CNTN5: variants seen among roughly 807,000 people sequenced by gnomAD.
CNTN5 encodes contactin-5.
A neutral mutation model predicts 129.1 loss-of-function variants in CNTN5; 77 were observed. The ratio of observed to expected loss-of-function variants is 0.60; its 90% CI spans 0.50 to 0.72. CNTN5 has a LOEUF of 0.72. CNTN5 is among the 30% of genes least tolerant of loss of function. The probability of loss-of-function intolerance (pLI) is 0.00; values close to 1 mark genes in which losing one functional copy is unlikely to be tolerated. For missense variants in CNTN5, 1,478 were observed against 1,328.8 expected (o/e 1.11, Z -1.75); for synonymous variants, 509 against 465.6 (o/e 1.09, Z -1.20).
chr11:100,022,369 C>T (rs1226882748), intron 9 of CNTN5, among the ~76,000 whole-genome samples: 3 of 152,290 alleles, frequency 2.0e-5, no homozygotes, highest in African/African-American at 7.2e-5. Context: ...AATCTAGCAT[C>T]CTGCTATTTG....
In CNTN5 at chr11:99,578,303, C is replaced by T. The variant is rs556613251; in HGVS notation, c.55+22034C>T. 2.7e-3 allele frequency among the ~76,000 whole-genome samples: 408 copies of T among 151,884 alleles called. 2 individuals are homozygous for T. The highest frequency in any genetic ancestry group is 9.3e-3 in the African/African-American group (386 of 41,382). On this transcript the variant is annotated intron_variant, in intron 3 of 24. Transcript: ENST00000524871. ...ACAATAAACATACGTGTGCATGTGT[C>T]TTTATGGCAGCATGATTTATAATCC...
intron 1 of CNTN5, among the ~76,000 whole-genome samples, chr11:99,183,652 C>T (rs772102275): frequency 2.8e-4 from 42 of 152,088 alleles, no homozygotes; most frequent in African/African-American, 8.4e-4. Flanking sequence ...GCTCTATCCT[C>T]GGTTTTCTTC....
chr11:99,300,463 A>G (rs1455664717), intron 1 of CNTN5, among the ~76,000 whole-genome samples: 1 of 152,024 alleles, frequency 6.6e-6, no homozygotes, highest in Non-Finnish European at 1.5e-5. Context: ...ACCTGGAATA[A>G]ACCCATTTGA....
chr11:99,200,165 T>C (rs1371790978), intron 1 of CNTN5, among the ~76,000 whole-genome samples: 2 of 152,210 alleles, frequency 1.3e-5, no homozygotes, highest in Admixed American at 6.5e-5. Flanking sequence ...ATTTTTTCTA[T>C]AAAAGATCTC....
At chr11:99,686,604 A>T (rs1035127551) in intron 3 of CNTN5, among the ~76,000 whole-genome samples, 1 of 152,092 alleles carries the variant, frequency 6.6e-6, no homozygotes, top group Non-Finnish European at 1.5e-5. Flanking sequence ...TATCTCTCAC[A>T]TATGCTTTCA....
At chr11:99,158,646 C>A (rs1487453585) in intron 1 of CNTN5, among the ~76,000 whole-genome samples, 1 of 152,030 alleles carries the variant, frequency 6.6e-6, no homozygotes, top group Non-Finnish European at 1.5e-5. Context: ...ATGAACACAT[C>A]ATTGGGCAAT....
intron 23 of CNTN5, among the ~76,000 whole-genome samples, chr11:100,346,891 G>A (rs1216164): frequency 0.11 from 16,072 of 152,100 alleles, 1,375 homozygotes; most frequent in East Asian, 0.33. Flanking sequence ...CGATCACGGC[G>A]GAAGGTGAAA....
chr11:99,273,785 G>A (rs995037572), intron 1 of CNTN5, among the ~76,000 whole-genome samples: 8 of 138,654 alleles, frequency 5.8e-5, no homozygotes, highest in African/African-American at 2.7e-4. Context: ...ATAAAAATCT[G>A]ATTATACTTA....
At chr11:99,697,960 G>GT (rs895770647) in intron 3 of CNTN5, among the ~76,000 whole-genome samples, 73 of 151,188 alleles carry the variant, frequency 4.8e-4, no homozygotes, top group African/African-American at 1.5e-3. Flanking sequence ...CAACTAATTT[G>GT]TTTTTCCTAA....
intron 17 of CNTN5, among the ~76,000 whole-genome samples, chr11:100,269,219 A>C (rs1195824402): frequency 6.6e-6 from 1 of 152,176 alleles, no homozygotes; most frequent in Non-Finnish European, 1.5e-5. Context: ...AGTAATAGAG[A>C]TCTGGCCTTA....
rs1039053451 is a variant in CNTN5 at position 100,319,736 on chromosome 11, C to G, written c.2730+11268C>G. 6.6e-5 allele frequency among the ~76,000 whole-genome samples: 10 copies of G among 152,256 alleles called. 1 individual carries two copies. The highest frequency in any genetic ancestry group is 3.4e-3 in the Middle Eastern group (1 of 294). On this transcript the variant is annotated intron_variant, in intron 21 of 24. Transcript: ENST00000524871. ...CCAATCATTCTCACCCTGATAAACACCATTTTGCTCTCCACTTTTATGAGA... is the reference window on the plus strand; with the variant it reads ...CCAATCATTCTCACCCTGATAAACAGCATTTTGCTCTCCACTTTTATGAGA...
intron 3 of CNTN5, among the ~76,000 whole-genome samples, chr11:99,689,120 C>T (rs1453001888): frequency 1.3e-5 from 2 of 151,924 alleles, no homozygotes; most frequent in East Asian, 1.9e-4. Flanking sequence ...TGGAATATAC[C>T]CAGTAGTGGG....
chr11:99,977,324 C>T (rs964477883), intron 8 of CNTN5, among the ~76,000 whole-genome samples: 3 of 152,118 alleles, frequency 2.0e-5, no homozygotes, highest in African/African-American at 4.8e-5. Flanking sequence ...TCTTTTGAGC[C>T]CTCCAAACTG....
chr11:99,115,099 A>C (rs1857981280), intron 1 of CNTN5, among the ~76,000 whole-genome samples: 1 of 152,120 alleles, frequency 6.6e-6, no homozygotes, highest in South Asian at 2.1e-4. Context: ...ACACCTTTAG[A>C]TTGGACTTCT....
chr11:99,819,801 A>T, intron 4 of CNTN5, 36 bp downstream of exon 4: 1 of 469,984 alleles, frequency 2.1e-6, no homozygotes, highest in African/African-American at 7.0e-5. Flanking sequence ...AGATAGAATA[A>T]AGGAGGCAAA....
At chr11:100,243,621 C>A (rs1949784730) in intron 16 of CNTN5, among the ~76,000 whole-genome samples, 1 of 152,156 alleles carries the variant, frequency 6.6e-6, no homozygotes, top group Admixed American at 6.6e-5. Context: ...ACCTCTCATG[C>A]CAACTTTTAA....
chr11:100,205,117 G>A (rs182146606), intron 15 of CNTN5, among the ~76,000 whole-genome samples: 1 of 152,108 alleles, frequency 6.6e-6, no homozygotes, highest in East Asian at 1.9e-4. Flanking sequence ...TAAGTATTGT[G>A]TTTTTAGATT....
chr11:99,480,228 C>T (rs917313375), intron 2 of CNTN5, among the ~76,000 whole-genome samples: 4 of 152,084 alleles, frequency 2.6e-5, no homozygotes, highest in Non-Finnish European at 5.9e-5. Context: ...TTGTTCTCTC[C>T]TTTTATTATC....
chr11:100,224,029 G>A (rs1474219025), intron 15 of CNTN5, among the ~76,000 whole-genome samples: 1 of 152,060 alleles, frequency 6.6e-6, no homozygotes, highest in Non-Finnish European at 1.5e-5. Flanking sequence ...CTTCAACTGT[G>A]TTCTAATCAT....
Sources: gnomAD v4.1 joint callset for allele counts (sites outside exome capture counted in the v4.1 genomes callset) on GRCh38, gnomAD v4.1.1 for gene constraint, MANE v1.5 for transcripts, NCBI Gene and HGNC (gene_info 2026-07-23, HGNC 2026-07-21) for gene names.